PCDH9: variants seen among roughly 807,000 people sequenced by gnomAD.
PCDH9 encodes the protein protocadherin-9.
Under a neutral mutation model 70.6 loss-of-function variants are expected in PCDH9, and 24 were observed. The observed-to-expected ratio is 0.34, with a 90% CI of 0.25 to 0.48. The LOEUF is 0.48. Ranked by LOEUF, PCDH9 falls within the 20% of genes least tolerant of loss-of-function variation. The pLI is 0.99. For synonymous variants in PCDH9, 562 were observed against 558.5 expected, an observed-to-expected ratio of 1.01 and a Z score of -0.09; for missense variants, 1,281 against 1,503.6, an observed-to-expected ratio of 0.85 and a Z score of 2.45.
At chr13:66,402,977 T>C (rs947541331) in intron 4 of PCDH9, among the ~76,000 whole-genome samples, 2 of 152,094 alleles carry the variant, frequency 1.3e-5, no homozygotes, top group African/African-American at 4.8e-5. Context: ...CAAATGTAAA[T>C]ACTGCTTAAA....
At chr13:67,022,294 G>T (rs1269335686) in intron 2 of PCDH9, among the ~76,000 whole-genome samples, 2 of 151,590 alleles carry the variant, frequency 1.3e-5, no homozygotes, top group Non-Finnish European at 2.9e-5. Flanking sequence ...GGCTAATTTT[G>T]TATTTTTGTA....
intron 2 of PCDH9, among the ~76,000 whole-genome samples, chr13:66,965,338 C>T (rs61266462): frequency 0.031 from 4,672 of 152,150 alleles, 243 homozygotes; most frequent in African/African-American, 0.11. Flanking sequence ...AACACAATGG[C>T]CATTTCAACA....
chr13:66,675,760 C>T (rs1042212051), intron 3 of PCDH9, among the ~76,000 whole-genome samples: 13 of 152,070 alleles, frequency 8.5e-5, no homozygotes, highest in Admixed American at 3.3e-4. Flanking sequence ...ACCTGTCCTT[C>T]ATCTTTCTTC....
At position 66,460,485 on chromosome 13, in the gene PCDH9, G is replaced by A. The variant is rs114383030; in HGVS notation, c.3341-155457C>T. Among the ~76,000 whole-genome samples the A allele has an allele frequency of 3.6e-3, 544 of 151,826 alleles. 6 individuals carry two copies. The highest frequency in any genetic ancestry group is 0.013 in the African/African-American group (523 of 41,464). ...GAAATGGTGGATATCCAGAAAACTCGGCCAAGTGAGGTGAAATGTAAACTT... is the reference window on the plus strand; with the variant it reads ...GAAATGGTGGATATCCAGAAAACTCAGCCAAGTGAGGTGAAATGTAAACTT... On this transcript the variant is annotated intron_variant, in intron 4 of 4. Coordinates refer to ENST00000377865, the MANE Select transcript of PCDH9 (RefSeq NM_203487.3).
intron 2 of PCDH9, among the ~76,000 whole-genome samples, chr13:67,015,738 T>C (rs1594393998): frequency 6.6e-6 from 1 of 152,186 alleles, no homozygotes; most frequent in Non-Finnish European, 1.5e-5. Context: ...TAGTCCCAAC[T>C]TCAGTTTCTA....
intron 3 of PCDH9, among the ~76,000 whole-genome samples, chr13:66,806,444 T>A (rs1179111073): frequency 2.0e-5 from 3 of 152,142 alleles, no homozygotes; most frequent in African/African-American, 7.2e-5. Flanking sequence ...TATTGGTTAC[T>A]ATGTTGGAAC....
At chr13:67,003,339 G>T (rs924746380) in intron 2 of PCDH9, among the ~76,000 whole-genome samples, 1 of 151,794 alleles carries the variant, frequency 6.6e-6, no homozygotes, top group Non-Finnish European at 1.5e-5. Context: ...ATACATTCTG[G>T]CCCTTTGAAT....
chr13:67,031,911 T>C (rs2084914434), intron 2 of PCDH9, among the ~76,000 whole-genome samples: 1 of 152,192 alleles, frequency 6.6e-6, no homozygotes, highest in Non-Finnish European at 1.5e-5. Flanking sequence ...TCTGGTCTTT[T>C]ATTTAGACCT....
At chr13:66,387,979 C>T (rs991045258) in intron 4 of PCDH9, among the ~76,000 whole-genome samples, 3 of 152,112 alleles carry the variant, frequency 2.0e-5, no homozygotes, top group Middle Eastern at 3.4e-3. Context: ...AGCTAATATT[C>T]GGCAGTTTTT....
At chr13:66,780,327 T>G (rs946016790) in intron 3 of PCDH9, among the ~76,000 whole-genome samples, 42 of 152,162 alleles carry the variant, frequency 2.8e-4, no homozygotes, top group African/African-American at 9.9e-4. Context: ...AGACATGGTT[T>G]TATATTTCAC....
chr13:66,918,521 A>G (rs543442857), intron 2 of PCDH9, among the ~76,000 whole-genome samples: 1 of 151,370 alleles, frequency 6.6e-6, no homozygotes, highest in Non-Finnish European at 1.5e-5. Flanking sequence ...ACAAACTTTC[A>G]AATTCAGTAT....
intron 2 of PCDH9, among the ~76,000 whole-genome samples, chr13:67,068,256 TAATA>T (rs2085690490): frequency 1.3e-5 from 2 of 151,502 alleles, no homozygotes; most frequent in African/African-American, 4.8e-5. Context: ...TTTATTTATT[TAATA>T]AATTATTAAT....
chr13:66,835,637 C>T (rs2081004738), intron 3 of PCDH9, among the ~76,000 whole-genome samples: 1 of 152,152 alleles, frequency 6.6e-6, no homozygotes, highest in Non-Finnish European at 1.5e-5. Flanking sequence ...GCTACAAAAC[C>T]TGTCCTCCTG....
At chr13:66,522,555 T>G (rs1172794378) in intron 4 of PCDH9, among the ~76,000 whole-genome samples, 1 of 152,034 alleles carries the variant, frequency 6.6e-6, no homozygotes, top group Non-Finnish European at 1.5e-5. Flanking sequence ...GACTTGTGAG[T>G]TTGACTTCAC....
intron 4 of PCDH9, among the ~76,000 whole-genome samples, chr13:66,435,517 T>C (rs1957852047): frequency 6.6e-6 from 1 of 152,196 alleles, no homozygotes; most frequent in Non-Finnish European, 1.5e-5. Context: ...GTCACTAATA[T>C]GTTAAAGGAG....
chr13:67,087,076 T>A (rs946481526), intron 2 of PCDH9, among the ~76,000 whole-genome samples: 2 of 140,010 alleles, frequency 1.4e-5, no homozygotes, highest in Non-Finnish European at 3.1e-5. Flanking sequence ...GAAGAGAGTT[T>A]TGATGTTTTG....
At position 66,735,709 on chromosome 13, in the gene PCDH9, A is replaced by C. The variant is rs1287282646; in HGVS notation, c.3139-104298T>G. Among the ~76,000 whole-genome samples the C allele has an allele frequency of 2.0e-5, 3 of 152,224 alleles. No individual in the cohort carries two copies. The East Asian group carries it at 5.8e-4, about 29-fold the overall frequency. ...CCGGGCACAGTGGCTCATGCCTGCA[A>C]TCCCAGCACTTTGGGAGGGTGAGGT... On this transcript the variant is annotated intron_variant, in intron 3 of 4. Transcript: ENST00000377865.
At chr13:67,189,668 G>T (rs2088857448) in intron 2 of PCDH9, among the ~76,000 whole-genome samples, 1 of 151,884 alleles carries the variant, frequency 6.6e-6, no homozygotes. Context: ...AGTGATAAGT[G>T]CCATGATGAG....
intron 2 of PCDH9, chr13:67,221,608 C>A (rs939197055): frequency 1.3e-5 from 2 of 152,064 alleles, no homozygotes; most frequent in African/African-American, 4.8e-5. Flanking sequence ...GCAACTCTTA[C>A]AGACTGTTTT....
Sources: gnomAD v4.1 joint callset for allele counts (sites outside exome capture counted in the v4.1 genomes callset) on GRCh38, gnomAD v4.1.1 for gene constraint, MANE v1.5 for transcripts, NCBI Gene and HGNC (gene_info 2026-07-23, HGNC 2026-07-21) for gene names.